Variants in CSNK1G1 observed in about 807,000 individuals in gnomAD.
The protein encoded by CSNK1G1 is casein kinase I isoform gamma-1.
Under a neutral mutation model 59.6 loss-of-function variants are expected in CSNK1G1, and 22 were observed. The ratio of observed to expected loss-of-function variants is 0.37; its 90% CI spans 0.26 to 0.53. CSNK1G1 has a LOEUF of 0.53. Among genes scored for constraint, CSNK1G1 ranks in the 20% least tolerant of loss-of-function variants. The pLI, the probability that CSNK1G1 is intolerant of heterozygous loss-of-function variation, is 0.89. For missense variants in CSNK1G1, 384 were observed against 519.5 expected (o/e 0.74, Z 2.54); for synonymous variants, 179 against 177.1 (o/e 1.01, Z -0.08).
intron 3 of CSNK1G1, among the ~76,000 whole-genome samples, chr15:64,258,213 T>C (rs940324442): frequency 6.6e-6 from 1 of 151,970 alleles, no homozygotes; most frequent in African/African-American, 2.4e-5. Context: ...ATCCCATCTC[T>C]ACAAAAAATA....
intron 2 of CSNK1G1, 81 bp from the exon 3 acceptor site, chr15:64,259,322 T>C (rs1892561976): frequency 2.1e-6 from 2 of 963,996 alleles, no homozygotes; most frequent in Non-Finnish European, 3.1e-6. Flanking sequence ...TACAGGGTCA[T>C]GAGAAAGGTT....
chr15:64,317,448 A>T (rs1228570550), intron 1 of CSNK1G1, among the ~76,000 whole-genome samples: 1 of 150,312 alleles, frequency 6.7e-6, no homozygotes, highest in Non-Finnish European at 1.5e-5. Flanking sequence ...TTTAAATCCT[A>T]TTGTGAAGGT....
intron 1 of CSNK1G1, among the ~76,000 whole-genome samples, chr15:64,335,328 A>C (rs754866247): frequency 3.9e-5 from 6 of 152,194 alleles, no homozygotes; most frequent in Non-Finnish European, 8.8e-5. Context: ...GCCAGTATTG[A>C]GGAGCCACAG....
intron 2 of CSNK1G1, among the ~76,000 whole-genome samples, chr15:64,274,154 T>TTACCCTTTTC: frequency 8.4e-6 from 1 of 119,474 alleles, no homozygotes; most frequent in African/African-American, 4.2e-5. Context: ...TTACCCTTTT[T>TTACCCTTTTC]CTTAAGAGGC....
intron 4 of CSNK1G1, among the ~76,000 whole-genome samples, chr15:64,236,891 G>A (rs890686673): frequency 1.3e-5 from 2 of 152,126 alleles, no homozygotes; most frequent in Non-Finnish European, 2.9e-5. Context: ...ATTAACCTAA[G>A]TGTCCATCAA....
At chr15:64,175,509 C>CCA (rs2081731222) in intron 11 of CSNK1G1, among the ~76,000 whole-genome samples, 1 of 152,150 alleles carries the variant, frequency 6.6e-6, no homozygotes, top group African/African-American at 2.4e-5. Context: ...ATGTTCCTCA[C>CCA]CACACATGGA....
At chr15:64,295,814 T>C (rs1439416483) in intron 2 of CSNK1G1, among the ~76,000 whole-genome samples, 1 of 152,216 alleles carries the variant, frequency 6.6e-6, no homozygotes, top group Non-Finnish European at 1.5e-5. Context: ...TCCTGATGAT[T>C]CGACCCCATT....
chr15:64,286,635 T>C (rs1013606610), intron 2 of CSNK1G1, among the ~76,000 whole-genome samples: 7 of 152,148 alleles, frequency 4.6e-5, no homozygotes, highest in African/African-American at 1.7e-4. Flanking sequence ...ATGATCTTTG[T>C]ACCCCCAGGG....
intron 2 of CSNK1G1, among the ~76,000 whole-genome samples, chr15:64,276,901 C>T (rs981942304): frequency 2.0e-5 from 3 of 148,494 alleles, no homozygotes; most frequent in South Asian, 2.1e-4. Context: ...GAGCCAAGAT[C>T]GCACCAGTGC....
chr15:64,288,731 C>T (rs1250669921), intron 2 of CSNK1G1, among the ~76,000 whole-genome samples: 3 of 152,086 alleles, frequency 2.0e-5, no homozygotes, highest in African/African-American at 4.8e-5. Context: ...AAAGCTTTGC[C>T]GCCTTCTGGA....
intron 3 of CSNK1G1, among the ~76,000 whole-genome samples, chr15:64,257,684 G>A (rs1292110202): frequency 1.3e-5 from 2 of 152,036 alleles, no homozygotes; most frequent in Admixed American, 6.6e-5. Flanking sequence ...CAGCATACCT[G>A]ACTAATTTTT....
intron 4 of CSNK1G1, among the ~76,000 whole-genome samples, chr15:64,236,216 T>C (rs2082615250): frequency 6.6e-6 from 1 of 151,956 alleles, no homozygotes; most frequent in Non-Finnish European, 1.5e-5. Flanking sequence ...TTTTTCTCAC[T>C]TCAATTCATG....
chr15:64,314,045 C>T (rs775322867), intron 1 of CSNK1G1, among the ~76,000 whole-genome samples: 12 of 151,958 alleles, frequency 7.9e-5, no homozygotes, highest in Non-Finnish European at 1.2e-4. Context: ...CAAATCGGGA[C>T]GATGCTACAT....
intron 2 of CSNK1G1, among the ~76,000 whole-genome samples, chr15:64,292,327 G>C (rs1393475049): frequency 6.6e-6 from 1 of 152,068 alleles, no homozygotes; most frequent in Admixed American, 6.6e-5. Flanking sequence ...ACAGAAATAA[G>C]TGTCTTACTT....
At chr15:64,316,535 CAAAAAAAAAAA>C (rs66620488) in intron 1 of CSNK1G1, among the ~76,000 whole-genome samples, 1 of 94,106 alleles carries the variant, frequency 1.1e-5, no homozygotes, top group Non-Finnish European at 2.2e-5. Context: ...GACTCTGTCT[CAAAAAAAAAAA>C]AAAAAAAAAA....
intron 1 of CSNK1G1, among the ~76,000 whole-genome samples, chr15:64,344,523 C>T (rs1341588385): frequency 6.6e-6 from 1 of 152,154 alleles, no homozygotes; most frequent in Non-Finnish European, 1.5e-5. Flanking sequence ...TGATTTCTAT[C>T]TGGAACGTGA....
chr15:64,199,245 T>C (rs2082075644), intron 10 of CSNK1G1, among the ~76,000 whole-genome samples: 1 of 130,470 alleles, frequency 7.7e-6, no homozygotes. Flanking sequence ...AGTGAAATCT[T>C]TTCTCAAAAA....
chr15:64,262,208 T>A (rs562047963), intron 2 of CSNK1G1, among the ~76,000 whole-genome samples: 1 of 152,202 alleles, frequency 6.6e-6, no homozygotes, highest in Non-Finnish European at 1.5e-5. Flanking sequence ...TCACCCTTCA[T>A]AGACTGTATT....
chr15:64,250,619 C>T (rs903941825), intron 4 of CSNK1G1, among the ~76,000 whole-genome samples: 7 of 152,090 alleles, frequency 4.6e-5, no homozygotes, highest in African/African-American at 1.7e-4. Context: ...GTGGTGCATG[C>T]CTACAGTACC....
Sources: allele counts gnomAD v4.1 joint callset (sites outside exome capture counted in the v4.1 genomes callset), GRCh38; gene constraint gnomAD v4.1.1; transcripts MANE v1.5; gene names NCBI Gene and HGNC (gene_info 2026-07-23, HGNC 2026-07-21).